The following COBL variants were observed in gnomAD, a reference collection of about 807,000 sequenced individuals.
COBL encodes cordon-bleu WH2 repeat protein, also known as protein cordon-bleu.
A neutral mutation model predicts 98.8 loss-of-function variants in COBL; 51 were observed. The ratio of observed to expected loss-of-function variants is 0.52; its 90% CI spans 0.41 to 0.65. The LOEUF (loss-of-function observed/expected upper bound fraction) is 0.65. Ranked by LOEUF, COBL falls within the 30% of genes least tolerant of loss-of-function variation. The pLI, the probability that COBL is intolerant of heterozygous loss-of-function variation, is 0.00. For synonymous variants in COBL, 634 were observed against 651.7 expected, an observed-to-expected ratio of 0.97 and a Z score of 0.41; for missense variants, 1,617 against 1,617.5, an observed-to-expected ratio of 1.00 and a Z score of 0.01.
At chr7:51,183,320 C>CT in intron 5 of COBL, among the ~76,000 whole-genome samples, 1 of 152,220 alleles carries the variant, frequency 6.6e-6, no homozygotes, top group East Asian at 1.9e-4. Flanking sequence ...ACAGTTTTGT[C>CT]TTTTTTAGTC....
At chr7:51,155,902 A>G (rs1174406812) in intron 5 of COBL, among the ~76,000 whole-genome samples, 2 of 152,178 alleles carry the variant, frequency 1.3e-5, no homozygotes, top group African/African-American at 4.8e-5. Flanking sequence ...GAAAATATCA[A>G]CATTGACTTC....
chr7:51,110,604 TTGTGATC>T lies in COBL; in HGVS notation c.958-25307_958-25301del, dbSNP rs1420758999. Among the ~76,000 whole-genome samples, 4 of 152,236 alleles carry T rather than the reference TTGTGATC, an allele frequency of 2.6e-5. No individual in the cohort carries two copies. The East Asian group carries it at 7.7e-4, about 29-fold the overall frequency. On this transcript the variant is annotated intron_variant, in intron 6 of 12. Transcript: ENST00000265136. ...GTATTTGGTTACATAAGTTCTTCAGTTGTGATCTGTGAGGTTTTGGTACACCCATCAC... is the reference window on the plus strand; with the variant it reads ...GTATTTGGTTACATAAGTTCTTCAGTTGTGAGGTTTTGGTACACCCATCAC...
chr7:51,135,955 G>A (rs963755363), intron 6 of COBL, among the ~76,000 whole-genome samples: 2 of 152,158 alleles, frequency 1.3e-5, no homozygotes, highest in Non-Finnish European at 2.9e-5. Flanking sequence ...CTGCCTTGGG[G>A]AACTCAGCTT....
At chr7:51,228,780 C>T (rs1243408189) in intron 1 of COBL, among the ~76,000 whole-genome samples, 2 of 152,130 alleles carry the variant, frequency 1.3e-5, no homozygotes, top group Non-Finnish European at 2.9e-5. Context: ...GAAGAAAGAG[C>T]CTGTCGGTGA....
chr7:51,316,567 C>T lies in COBL; in HGVS notation c.41+26G>A, dbSNP rs1243477370. 5.0e-6 allele frequency: 6 copies of T among 1,207,004 alleles called. No individual in the cohort carries two copies. In the African/African-American group the frequency reaches 7.9e-5, roughly 16 times the overall value. 74.8% of individuals were successfully genotyped at this position (1,207,004 alleles called of 1,614,324 possible). ...CGAGCCCAGGGAAGCCCCCTCTCCA[C>T]CCCGCCCGACCGCGGGGCCGCTTAC... On this transcript the variant is annotated intron_variant, in intron 1 of 12. Transcript: ENST00000265136.
intron 11 of COBL, among the ~76,000 whole-genome samples, chr7:51,025,810 G>C (rs1787495463): frequency 6.6e-6 from 1 of 152,120 alleles, no homozygotes; most frequent in Non-Finnish European, 1.5e-5. Flanking sequence ...CTTACCCCTG[G>C]ACCTGAGACA....
intron 7 of COBL, among the ~76,000 whole-genome samples, chr7:51,065,953 A>G (rs1198074044): frequency 2.0e-5 from 3 of 152,218 alleles, no homozygotes; most frequent in African/African-American, 4.8e-5. Flanking sequence ...CCAAGGAAAG[A>G]GGCCTCAGGA....
At chr7:51,316,063 G>A (rs1317732896) in intron 1 of COBL, among the ~76,000 whole-genome samples, 1 of 152,236 alleles carries the variant, frequency 6.6e-6, no homozygotes, top group African/African-American at 2.4e-5. Context: ...CCGAGAACGC[G>A]GGGCCCGGGC....
chr7:51,191,806 G>T (rs1238349653), intron 3 of COBL, among the ~76,000 whole-genome samples: 2 of 152,086 alleles, frequency 1.3e-5, no homozygotes, highest in South Asian at 4.2e-4. Context: ...TTTTTCTTCC[G>T]CTTTTACTGA....
chr7:51,187,329 TATACACACACACAC>T (rs1206007759), intron 4 of COBL, among the ~76,000 whole-genome samples: 6 of 142,404 alleles, frequency 4.2e-5, no homozygotes, highest in East Asian at 2.0e-4. Context: ...TATATATATA[TATACACACACACAC>T]ACACACACAC....
intron 6 of COBL, among the ~76,000 whole-genome samples, chr7:51,087,191 T>C (rs1794364259): frequency 6.6e-6 from 1 of 151,800 alleles, no homozygotes; most frequent in African/African-American, 2.4e-5. Context: ...CTCTCCATTT[T>C]CCAAAAAATT....
chr7:51,267,312 C>T (rs2129157845), intron 1 of COBL, among the ~76,000 whole-genome samples: 1 of 152,246 alleles, frequency 6.6e-6, no homozygotes, highest in Non-Finnish European at 1.5e-5. Context: ...TGAGGAGTGT[C>T]AGGCCTTCTG....
intron 6 of COBL, among the ~76,000 whole-genome samples, chr7:51,092,372 C>T (rs1190415691): frequency 6.6e-6 from 1 of 152,166 alleles, no homozygotes; most frequent in Non-Finnish European, 1.5e-5. Flanking sequence ...TGTCATAGAG[C>T]TTCCCTCTAT....
At chr7:51,195,780 T>C (rs1462496905) in intron 2 of COBL, among the ~76,000 whole-genome samples, 2 of 152,342 alleles carry the variant, frequency 1.3e-5, no homozygotes, top group East Asian at 3.9e-4. Context: ...ACTGCATTCC[T>C]GATTTGGCTC....
chr7:51,291,335 A>G (rs1367382981), intron 1 of COBL, among the ~76,000 whole-genome samples: 1 of 152,230 alleles, frequency 6.6e-6, no homozygotes, highest in Non-Finnish European at 1.5e-5. Flanking sequence ...CAGGAGTCCT[A>G]GCACAAGGAT....
intron 5 of COBL, among the ~76,000 whole-genome samples, chr7:51,160,045 A>G (rs1198445519): frequency 6.6e-6 from 1 of 152,154 alleles, no homozygotes; most frequent in Non-Finnish European, 1.5e-5. Context: ...GACACCTGCC[A>G]CCACGTCCAG....
chr7:51,230,185 G>A (rs924204766), intron 1 of COBL, among the ~76,000 whole-genome samples: 1 of 152,066 alleles, frequency 6.6e-6, no homozygotes, highest in African/African-American at 2.4e-5. Flanking sequence ...TCTCCTACGT[G>A]GACACCACAC....
chr7:51,021,850 G>C (rs1269516370), intron 12 of COBL, among the ~76,000 whole-genome samples: 1 of 152,132 alleles, frequency 6.6e-6, no homozygotes, highest in Non-Finnish European at 1.5e-5. Flanking sequence ...GTGACCACAG[G>C]TCTACTCTCA....
rs188162769 is a variant in COBL, at chr7:51,063,675, G to A, written c.1097-19983C>T. 2.7e-3 allele frequency among the ~76,000 whole-genome samples: 407 copies of A among 152,268 alleles called. 1 individual carries two copies. The highest frequency in any genetic ancestry group is 3.8e-3 in the Non-Finnish European group (258 of 68,022). ...TGTGCCTGCAAGAAGCAGCTAGTATGCATCCCACACTTCCTTTCATGCAGT... is the reference window on the plus strand; with the variant it reads ...TGTGCCTGCAAGAAGCAGCTAGTATACATCCCACACTTCCTTTCATGCAGT... On this transcript the variant is annotated intron_variant, in intron 7 of 12. Coordinates refer to ENST00000265136, the MANE Select transcript of COBL (RefSeq NM_015198.5).
Sources: allele counts gnomAD v4.1 joint callset (sites outside exome capture counted in the v4.1 genomes callset), GRCh38; gene constraint gnomAD v4.1.1; transcripts MANE v1.5; gene names NCBI Gene and HGNC (gene_info 2026-07-23, HGNC 2026-07-21).